PCDHA5: variants seen among roughly 807,000 people sequenced by gnomAD.
PCDHA5 encodes the protein protocadherin alpha-5.
PCDHA5 carries 43 observed loss-of-function variants against 61.6 expected under a neutral mutation model. That is an observed-to-expected ratio of 0.70 (90% CI 0.55 to 0.90). PCDHA5 has a LOEUF of 0.90. Among genes scored for constraint, PCDHA5 ranks in the 40% least tolerant of loss-of-function variants. The pLI is 0.00. For missense variants in PCDHA5, 1,298 were observed against 1,222.7 expected (o/e 1.06, Z -0.92); for synonymous variants, 627 against 543.9 (o/e 1.15, Z -2.13).
intron 1 of PCDHA5, chr5:140,842,957 G>A: frequency 6.3e-7 from 1 of 1,594,936 alleles, no homozygotes; most frequent in Middle Eastern, 1.8e-4. Flanking sequence ...GCCGCCTCTG[G>A]GCAGCAACGT....
intron 1 of PCDHA5, chr5:140,877,117 G>T (rs781979355): frequency 6.8e-6 from 11 of 1,613,720 alleles, no homozygotes; most frequent in Admixed American, 3.3e-5. Flanking sequence ...GGGCAGCAAC[G>T]TGACGCTGCA....
intron 1 of PCDHA5, chr5:140,969,555 C>A: frequency 1.6e-6 from 2 of 1,213,380 alleles, no homozygotes; most frequent in Non-Finnish European, 2.2e-6. Flanking sequence ...GAAGCCTTGT[C>A]CATAAAATTG....
At chr5:140,877,096 G>T in intron 1 of PCDHA5, 3 of 1,613,378 alleles carry the variant, frequency 1.9e-6, no homozygotes, top group Non-Finnish European at 2.5e-6. Context: ...CGACGCCGGC[G>T]TGCCGCCTCT....
rs377081112 is a variant in PCDHA5 at position 140,871,063 on chromosome 5, G to T, written c.2352+46936G>T. The T allele has an allele frequency of 1.1e-5, 18 of 1,613,154 alleles. No homozygotes were observed. In the African/African-American group the frequency reaches 2.0e-4, roughly 18 times the overall value. On this transcript the variant is annotated intron_variant, in intron 1 of 3. Transcript: ENST00000529859. ...ACTTCTAGTACTGGTGAAGGATCAC[G>T]GTGAGCCGGCGCTGACGGCCACGGC...
intron 1 of PCDHA5, among the ~76,000 whole-genome samples, chr5:140,872,206 T>A (rs2053543474): frequency 1.3e-5 from 2 of 152,340 alleles, no homozygotes; most frequent in Middle Eastern, 6.8e-3. Flanking sequence ...CATAAATTCA[T>A]TATATATGAA....
chr5:140,934,705 C>T (rs1235956763), intron 1 of PCDHA5, among the ~76,000 whole-genome samples: 8 of 152,132 alleles, frequency 5.3e-5, no homozygotes, highest in African/African-American at 1.9e-4. Flanking sequence ...TCCTGGCCAT[C>T]TTACAAAAAG....
intron 1 of PCDHA5, chr5:140,830,531 A>G (rs1369304780): frequency 3.9e-6 from 5 of 1,283,804 alleles, no homozygotes; most frequent in Non-Finnish European, 5.2e-6. Flanking sequence ...TTTTAAATTT[A>G]TAATTGTTTT....
At chr5:140,931,260 T>C (rs576177407) in intron 1 of PCDHA5, among the ~76,000 whole-genome samples, 104 of 152,274 alleles carry the variant, frequency 6.8e-4, no homozygotes, top group East Asian at 3.1e-3. Flanking sequence ...GAAATTTCAC[T>C]ATTTATTTCT....
At chr5:140,835,557 C>G (rs2150238146) in intron 1 of PCDHA5, 4 of 1,613,818 alleles carry the variant, frequency 2.5e-6, no homozygotes, top group Non-Finnish European at 3.4e-6. Context: ...CCTGACGCCC[C>G]GCGTTCCCTT....
chr5:140,926,745 C>T (rs1344644551), intron 1 of PCDHA5: 3 of 1,219,360 alleles, frequency 2.5e-6, no homozygotes, highest in Non-Finnish European at 3.2e-6. Flanking sequence ...GGCGCAACGT[C>T]GGCGGTCGCT....
chr5:140,976,841 A>G lies in PCDHA5; in HGVS notation c.2353-2108A>G, dbSNP rs145977857. Among the ~76,000 whole-genome samples the G allele has an allele frequency of 1.2e-3, 190 of 152,338 alleles. 1 individual carries two copies. Among genetic ancestry groups the G allele is most frequent in the African/African-American group, 4.3e-3 (178 of 41,578 alleles). ...GTGTCTAATGAGCAAAACAGATATA[A>G]TCCCTTTCATAGAGTTTACTGTCTG... On this transcript the variant is annotated intron_variant, in intron 1 of 3. Coordinates refer to ENST00000529859, the MANE Select transcript of PCDHA5 (RefSeq NM_018908.3).
At chr5:141,000,921 C>T (rs562554000) in intron 3 of PCDHA5, among the ~76,000 whole-genome samples, 1 of 152,006 alleles carries the variant, frequency 6.6e-6, no homozygotes, top group Non-Finnish European at 1.5e-5. Flanking sequence ...AAAAAAAAAT[C>T]CTGTGTGATT....
chr5:140,953,099 G>A lies in PCDHA5; in HGVS notation c.2353-25850G>A, dbSNP rs1554220803. On this transcript the variant is annotated intron_variant, in intron 1 of 3. Transcript: ENST00000529859. ...CATTGGGGATTACAATTTGACATGA[G>A]ATTTGGGCAGGGACACAGATCTAAA... Among the ~76,000 whole-genome samples, 7 of 152,256 alleles carry A rather than the reference G, an allele frequency of 4.6e-5. 1 individual carries two copies. Among genetic ancestry groups the A allele is most frequent in the South Asian group, 2.1e-4 (1 of 4,828 alleles).
At chr5:140,987,592 G>T (rs150671243) in intron 3 of PCDHA5, among the ~76,000 whole-genome samples, 2 of 152,172 alleles carry the variant, frequency 1.3e-5, no homozygotes, top group African/African-American at 4.8e-5. Flanking sequence ...GAGAATAGTG[G>T]TGTCTACCTT....
Position 140,849,938 on chromosome 5 carries a change from C to A in PCDHA5, c.2352+25811C>A. The A allele has an allele frequency of 2.5e-6, 4 of 1,598,014 alleles. 1 individual carries two copies. Among genetic ancestry groups the A allele is most frequent in the Non-Finnish European group, 3.4e-6 (4 of 1,167,752 alleles). On this transcript the variant is annotated intron_variant, in intron 1 of 3. Transcript: ENST00000529859. ...ACATCTTCACGGTGTCTGCGCGGGACGCTGACGCGCAGGAGAACGCCCTGG... is the reference window on the plus strand; with the variant it reads ...ACATCTTCACGGTGTCTGCGCGGGAAGCTGACGCGCAGGAGAACGCCCTGG...
rs530119651 is a variant in PCDHA5, at chr5:140,965,991, T to A, written c.2353-12958T>A. ...CCTAGGAGTTGAGCACTTTCTGCAG[T>A]ACTTAAGAGTGTCCAGGGAAGATGT... On this transcript the variant is annotated intron_variant, in intron 1 of 3. Transcript: ENST00000529859. Among the ~76,000 whole-genome samples, 253 of 152,310 alleles carry A rather than the reference T, an allele frequency of 1.7e-3. 2 individuals carry two copies. Among genetic ancestry groups the A allele is most frequent in the Non-Finnish European group, 2.4e-3 (164 of 68,034 alleles).
At position 140,920,535 on chromosome 5, in the gene PCDHA5, T is replaced by C. The variant is rs75447697; in HGVS notation, c.2353-58414T>C. ...TATGCAATTCGTTAGACTCAGGTTT[T>C]CTATTTCACCTTCGAAGTGTGGCCC... is the stretch of plus-strand genomic sequence containing the variant. On this transcript the variant is annotated intron_variant, in intron 1 of 3. Transcript: ENST00000529859. Among the ~76,000 whole-genome samples the C allele has an allele frequency of 1.3e-3, 198 of 152,336 alleles. 1 individual carries two copies. Among genetic ancestry groups the C allele is most frequent in the African/African-American group, 4.5e-3 (189 of 41,590 alleles).
chr5:140,978,717 T>C (rs545119234), intron 1 of PCDHA5, among the ~76,000 whole-genome samples: 1 of 152,390 alleles, frequency 6.6e-6, no homozygotes, highest in East Asian at 1.9e-4. Context: ...TTTACAAGAT[T>C]ATTAAATCTG....
chr5:140,958,035 T>G (rs1284725890), intron 1 of PCDHA5, among the ~76,000 whole-genome samples: 2 of 152,120 alleles, frequency 1.3e-5, no homozygotes, highest in African/African-American at 4.8e-5. Context: ...ATGCTTTCTT[T>G]GCTTGTGATA....
Sources: allele counts gnomAD v4.1 joint callset (sites outside exome capture counted in the v4.1 genomes callset), GRCh38; gene constraint gnomAD v4.1.1; transcripts MANE v1.5; gene names NCBI Gene and HGNC (gene_info 2026-07-23, HGNC 2026-07-21).